Variants in RNF13 observed in about 807,000 individuals in gnomAD.
RNF13 encodes the protein ring finger protein 13.
A neutral mutation model predicts 37.7 loss-of-function variants in RNF13; 19 were observed. The observed-to-expected ratio is 0.50, with a 90% CI of 0.35 to 0.74. The LOEUF is 0.74. Ranked by LOEUF, RNF13 falls within the 30% of genes least tolerant of loss-of-function variation. The probability of loss-of-function intolerance (pLI) is 0.01; values close to 1 mark genes in which losing one functional copy is unlikely to be tolerated. For synonymous variants in RNF13, 144 were observed against 157.8 expected (o/e 0.91, Z 0.65); for missense variants, 375 against 453.0 (o/e 0.83, Z 1.56).
At chr3:149,896,674 T>C (rs1451277965) in intron 5 of RNF13, among the ~76,000 whole-genome samples, 2 of 152,088 alleles carry the variant, frequency 1.3e-5, no homozygotes, top group East Asian at 3.9e-4. Flanking sequence ...AGATGGAGTT[T>C]CTCCATGTTG....
intron 3 of RNF13, 74 bp downstream of exon 3, chr3:149,852,670 G>T: frequency 1.5e-6 from 1 of 683,406 alleles, no homozygotes; most frequent in Non-Finnish European, 2.4e-6. Flanking sequence ...ATTATTTAAA[G>T]AATGAAATCA....
chr3:149,875,508 A>G (rs1712580411), intron 4 of RNF13, among the ~76,000 whole-genome samples: 2 of 152,218 alleles, frequency 1.3e-5, no homozygotes, highest in Non-Finnish European at 2.9e-5. Flanking sequence ...TCTTCATACA[A>G]ACCATCCCAA....
chr3:149,960,961 A>C lies in RNF13; in HGVS notation c.1003A>C (p.Met335Leu), dbSNP rs1456087351. Residue 335 changes from methionine to leucine, a missense_variant, in exon 10 of 10, where the codon ATG becomes CTG. Physicochemically the swap from Met to Leu is conservative, Grantham distance 15 (BLOSUM62 2). Transcript: ENST00000392894. ...ALSESRSHQN[M>L]TESSDYEEDD... Reference sequence around the variant, plus strand: ...ATCGGAATCCCGCTCACATCAGAACATGACAGAATCTTCAGACTATGAGGA... The same window carrying C: ...ATCGGAATCCCGCTCACATCAGAACCTGACAGAATCTTCAGACTATGAGGA... The C allele has an allele frequency of 6.2e-7, 1 of 1,614,244 alleles. No homozygotes were observed. Among genetic ancestry groups the C allele is most frequent in the Non-Finnish European group, 8.5e-7 (1 of 1,180,036 alleles).
intron 5 of RNF13, among the ~76,000 whole-genome samples, chr3:149,898,998 T>C (rs1715545303): frequency 6.6e-6 from 1 of 152,100 alleles, no homozygotes; most frequent in South Asian, 2.1e-4. Flanking sequence ...AATTCAAAGA[T>C]AAAGCATGCT....
intron 6 of RNF13, among the ~76,000 whole-genome samples, chr3:149,904,789 AATTT>A (rs1280584137): frequency 6.6e-6 from 1 of 152,108 alleles, no homozygotes; most frequent in Non-Finnish European, 1.5e-5. Flanking sequence ...AAAAGACTTT[AATTT>A]ATTCTTTAGT....
intron 8 of RNF13, among the ~76,000 whole-genome samples, chr3:149,930,144 G>A (rs945194690): frequency 6.6e-6 from 1 of 152,160 alleles, no homozygotes; most frequent in South Asian, 2.1e-4. Context: ...GGCTAGGCTG[G>A]TCTTGAACTC....
chr3:149,851,649 C>G (rs1401686124), intron 2 of RNF13: 1 of 151,912 alleles, frequency 6.6e-6, no homozygotes, highest in Admixed American at 6.6e-5. Context: ...TATTTATGTC[C>G]TACATGTTGT....
chr3:149,939,608 CCT>C (rs1720053421), intron 8 of RNF13: 2 of 626,220 alleles, frequency 3.2e-6, no homozygotes, highest in Admixed American at 1.8e-5. Context: ...TAATTCATTG[CCT>C]CTGTTTCAAC....
chr3:149,915,671 A>G lies in RNF13; in HGVS notation c.606+3588A>G, dbSNP rs76166628. Among the ~76,000 whole-genome samples, 5 of 152,344 alleles carry G rather than the reference A, an allele frequency of 3.3e-5. No individual in the cohort carries two copies. In the East Asian group the frequency reaches 7.7e-4, roughly 23 times the overall value. The stretch of plus-strand genomic sequence containing the variant: ...CAATGGAATATTATTCAGTGTTATT[A>G]AGGAAGGAAATTCTGACACATGCTA... On this transcript the variant is annotated intron_variant, in intron 7 of 9. Coordinates refer to ENST00000392894, the MANE Select transcript of RNF13 (RefSeq NM_183381.3).
chr3:149,851,844 T>A (rs1380984440), intron 2 of RNF13, among the ~76,000 whole-genome samples: 1 of 152,216 alleles, frequency 6.6e-6, no homozygotes, highest in East Asian at 1.9e-4. Context: ...ACAATTATTA[T>A]CATTACTGTT....
chr3:149,939,886 C>T (rs1305681854), intron 8 of RNF13: 4 of 389,326 alleles, frequency 1.0e-5, no homozygotes, highest in Non-Finnish European at 1.9e-5. Flanking sequence ...GATGGAATCA[C>T]ACCAGGGTAT....
At chr3:149,927,133 C>A (rs966729378) in intron 8 of RNF13, among the ~76,000 whole-genome samples, 7 of 152,208 alleles carry the variant, frequency 4.6e-5, no homozygotes, top group African/African-American at 1.4e-4. Context: ...ACCTGTTAAA[C>A]AGTAACTCCC....
chr3:149,933,535 C>T (rs892768010), intron 8 of RNF13, among the ~76,000 whole-genome samples: 11 of 151,332 alleles, frequency 7.3e-5, no homozygotes, highest in African/African-American at 2.7e-4. Flanking sequence ...TTATATCCTG[C>T]AACTGTACTG....
chr3:149,935,025 T>C (rs1256260889), intron 8 of RNF13, among the ~76,000 whole-genome samples: 3 of 152,198 alleles, frequency 2.0e-5, no homozygotes, highest in African/African-American at 7.2e-5. Flanking sequence ...ACTTGTTTTT[T>C]CTCCTAACGT....
At chr3:149,819,603 G>A (rs1289677110) in intron 1 of RNF13, among the ~76,000 whole-genome samples, 1 of 152,186 alleles carries the variant, frequency 6.6e-6, no homozygotes, top group African/African-American at 2.4e-5. Flanking sequence ...TGGTGGCATA[G>A]AGAAGCATAT....
intron 2 of RNF13, among the ~76,000 whole-genome samples, chr3:149,850,082 C>T (rs183248477): frequency 4.4e-4 from 66 of 151,698 alleles, no homozygotes; most frequent in African/African-American, 1.5e-3. Flanking sequence ...TGGATTCAAG[C>T]GACTCTCCTG....
intron 4 of RNF13, among the ~76,000 whole-genome samples, chr3:149,884,753 C>G (rs144689747): frequency 6.6e-6 from 1 of 151,972 alleles, no homozygotes; most frequent in Non-Finnish European, 1.5e-5. Context: ...GTGTTACATA[C>G]AATTCAGTTT....
At chr3:149,955,113 T>C (rs1721734607) in intron 8 of RNF13, among the ~76,000 whole-genome samples, 1 of 152,194 alleles carries the variant, frequency 6.6e-6, no homozygotes, top group Admixed American at 6.5e-5. Flanking sequence ...CATTTTAAGT[T>C]ACCAGGCATT....
intron 1 of RNF13, among the ~76,000 whole-genome samples, chr3:149,832,963 C>A (rs777604600): frequency 7.2e-5 from 11 of 152,016 alleles, no homozygotes; most frequent in Non-Finnish European, 1.6e-4. Context: ...GAATCAACAT[C>A]AATTTTTCTC....
Sources: allele counts gnomAD v4.1 joint callset (sites outside exome capture counted in the v4.1 genomes callset), GRCh38; gene constraint gnomAD v4.1.1; transcripts MANE v1.5; gene names NCBI Gene and HGNC (gene_info 2026-07-23, HGNC 2026-07-21).